The following GATAD2B variants were observed in gnomAD, a reference collection of about 807,000 sequenced individuals.
GATAD2B encodes the protein GATA zinc finger domain containing 2B.
Under a neutral mutation model 64.3 loss-of-function variants are expected in GATAD2B, and 8 were observed. The observed-to-expected ratio is 0.12, with a 90% confidence interval of 0.07 to 0.22. GATAD2B has a LOEUF of 0.22. Among genes scored for constraint, GATAD2B ranks in the 10% least tolerant of loss-of-function variants. GATAD2B has a pLI of 1.00. For synonymous variants in GATAD2B, 281 were observed against 271.3 expected, an observed-to-expected ratio of 1.04 and a Z score of -0.35; for missense variants, 453 against 752.0, an observed-to-expected ratio of 0.60 and a Z score of 4.65.
intron 1 of GATAD2B, chr1:153,851,975 A>G (rs1557803734): frequency 1.6e-5 from 5 of 314,036 alleles, no homozygotes; most frequent in African/African-American, 8.7e-5. Context: ...GGAAATAACT[A>G]TAATTGAGGG....
intron 1 of GATAD2B, among the ~76,000 whole-genome samples, chr1:153,864,169 G>A (rs1676401298): frequency 6.6e-6 from 1 of 152,160 alleles, no homozygotes; most frequent in Non-Finnish European, 1.5e-5. Context: ...CATGTTGTAA[G>A]TGATACATTC....
At chr1:153,837,768 T>C (rs1675327251) in intron 1 of GATAD2B, among the ~76,000 whole-genome samples, 1 of 152,194 alleles carries the variant, frequency 6.6e-6, no homozygotes, top group Non-Finnish European at 1.5e-5. Flanking sequence ...ATTATAAAAC[T>C]GTAAAAATAA....
chr1:153,818,765 A>G, intron 4 of GATAD2B, 26 bp downstream of exon 4: 1 of 1,608,640 alleles, frequency 6.2e-7, no homozygotes, highest in South Asian at 1.1e-5. Flanking sequence ...CCTTTCCCTT[A>G]GTCCCTTATT....
chr1:153,810,099 C>T lies in GATAD2B; in HGVS notation c.*78G>A. On this transcript the variant is annotated 3_prime_UTR_variant, in exon 11 of 11. Transcript: ENST00000368655. ...ATGGTAGGCACCAGTACAGGCACTGCATGCGACAGAAGTTGGGGGAATGAA... is the reference window on the plus strand; with the variant it reads ...ATGGTAGGCACCAGTACAGGCACTGTATGCGACAGAAGTTGGGGGAATGAA... 1 of 1,399,646 alleles carries T rather than the reference C, an allele frequency of 7.1e-7. No individual in the cohort carries two copies. Among genetic ancestry groups the T allele is most frequent in the Non-Finnish European group, 9.9e-7 (1 of 1,015,004 alleles). The allele number at this position is 1,399,646 out of a possible 1,614,324, so 86.7% of individuals were successfully genotyped here.
intron 1 of GATAD2B, among the ~76,000 whole-genome samples, chr1:153,844,264 TG>T (rs1036136671): frequency 6.6e-6 from 1 of 152,020 alleles, no homozygotes; most frequent in Admixed American, 6.6e-5. Context: ...AGAACTCACA[TG>T]GGGCCAGGAA....
chr1:153,870,434 G>A (rs1367620072), intron 1 of GATAD2B, among the ~76,000 whole-genome samples: 7 of 152,108 alleles, frequency 4.6e-5, no homozygotes, highest in African/African-American at 1.4e-4. Flanking sequence ...TTAGCCGGAC[G>A]TGGTGGCGGG....
rs779038898 is a variant in GATAD2B, at chr1:153,806,119, T to C, written c.*4058A>G. 3 of 152,184 alleles carry C rather than the reference T, an allele frequency of 2.0e-5. No individual in the cohort carries two copies. The highest frequency in any genetic ancestry group is 4.4e-5 in the Non-Finnish European group (3 of 68,026). 9.4% of individuals were successfully genotyped at this position (152,184 alleles called of 1,614,324 possible). ...CACTGAATTTTGTTATATAGGTATA[T>C]TGTATATATGCTGATGCAATCAGAG... On this transcript the variant is annotated 3_prime_UTR_variant, in exon 11 of 11. Transcript: ENST00000368655.
chr1:153,910,482 A>G (rs1027078368), intron 1 of GATAD2B, among the ~76,000 whole-genome samples: 15 of 152,130 alleles, frequency 9.9e-5, no homozygotes, highest in African/African-American at 3.4e-4. Flanking sequence ...GCTCATCCCT[A>G]TAATCCCAGC....
intron 1 of GATAD2B, among the ~76,000 whole-genome samples, chr1:153,829,038 C>A (rs975337963): frequency 1.3e-4 from 19 of 151,886 alleles, no homozygotes; most frequent in African/African-American, 4.6e-4. Flanking sequence ...GACCCCATCT[C>A]TACAAAAAAA....
At chr1:153,835,942 C>G (rs745599225) in intron 1 of GATAD2B, among the ~76,000 whole-genome samples, 2 of 152,070 alleles carry the variant, frequency 1.3e-5, no homozygotes, top group Non-Finnish European at 2.9e-5. Flanking sequence ...AGGCTGGTCT[C>G]AAACTCCTGA....
At chr1:153,891,820 G>C (rs1677414729) in intron 1 of GATAD2B, among the ~76,000 whole-genome samples, 1 of 151,818 alleles carries the variant, frequency 6.6e-6, no homozygotes, top group South Asian at 2.1e-4. Flanking sequence ...TAAAAGGAAT[G>C]GCTAGATTTA....
chr1:153,887,137 C>T (rs138566363), intron 1 of GATAD2B, among the ~76,000 whole-genome samples: 248 of 152,232 alleles, frequency 1.6e-3, no homozygotes, highest in Admixed American at 2.8e-3. Flanking sequence ...TACATTTTTT[C>T]TTCATTAAAC....
intron 1 of GATAD2B, chr1:153,852,253 C>T: frequency 8.1e-7 from 1 of 1,232,752 alleles, no homozygotes; most frequent in Non-Finnish European, 1.2e-6. Flanking sequence ...TCCATCAAGT[C>T]ATCTAAAGAT....
At chr1:153,888,426 T>A (rs1677249736) in intron 1 of GATAD2B, among the ~76,000 whole-genome samples, 1 of 152,222 alleles carries the variant, frequency 6.6e-6, no homozygotes, top group Admixed American at 6.5e-5. Flanking sequence ...TCTCATCCTG[T>A]ATCAGCAGCA....
At chr1:153,880,640 G>A (rs1228786256) in intron 1 of GATAD2B, among the ~76,000 whole-genome samples, 1 of 151,630 alleles carries the variant, frequency 6.6e-6, no homozygotes, top group African/African-American at 2.4e-5. Context: ...AGAAAGAAGA[G>A]ACCCACCAGC....
chr1:153,823,671 C>T (rs1455167793), intron 2 of GATAD2B, among the ~76,000 whole-genome samples: 1 of 151,368 alleles, frequency 6.6e-6, no homozygotes, highest in African/African-American at 2.4e-5. Flanking sequence ...TTATCACTAT[C>T]AAAGAAACTA....
At chr1:153,844,421 T>TAAA (rs764420139) in intron 1 of GATAD2B, among the ~76,000 whole-genome samples, 3 of 80,284 alleles carry the variant, frequency 3.7e-5, no homozygotes, top group South Asian at 3.5e-4. Flanking sequence ...TAACAAATTA[T>TAAA]AAAAAAAAAA....
rs547668891 is a variant in GATAD2B at position 153,815,033 on chromosome 1, G to A, written c.1216+1240C>T. ...GAGGCAGAGGTAGTCAGCCAGCTAA[G>A]ATCATGCCACTGTACTCCAGCCTGG... On this transcript the variant is annotated intron_variant, in intron 7 of 10. Transcript: ENST00000368655. 3.5e-5 allele frequency among the ~76,000 whole-genome samples: 4 copies of A among 115,374 alleles called. No homozygotes were observed. In the South Asian group the frequency reaches 1.2e-3, roughly 34 times the overall value. 75.7% of individuals were successfully genotyped at this position (115,374 alleles called of 152,430 possible).
chr1:153,815,098 A>AC (rs1674413460), intron 7 of GATAD2B, among the ~76,000 whole-genome samples: 1 of 143,790 alleles, frequency 7.0e-6, no homozygotes, highest in African/African-American at 2.5e-5. Flanking sequence ...AAAAAAAAAA[A>AC]AAAAAAAAAA....
Sources: allele counts gnomAD v4.1 joint callset (sites outside exome capture counted in the v4.1 genomes callset), GRCh38; gene constraint gnomAD v4.1.1; transcripts MANE v1.5; gene names NCBI Gene and HGNC (gene_info 2026-07-23, HGNC 2026-07-21).